The following ZNF385D variants were observed in gnomAD, a reference collection of about 807,000 sequenced individuals.
ZNF385D encodes zinc finger protein 659.
Under a neutral mutation model 35.8 loss-of-function variants are expected in ZNF385D, and 15 were observed. That is an observed-to-expected ratio of 0.42 (90% confidence interval 0.28 to 0.64). The LOEUF is 0.64. Ranked by LOEUF, ZNF385D falls within the 30% of genes least tolerant of loss-of-function variation. ZNF385D has a pLI of 0.23. For missense variants in ZNF385D, 474 were observed against 494.6 expected (o/e 0.96, Z 0.39); for synonymous variants, 212 against 186.8 (o/e 1.13, Z -1.10).
intron 3 of ZNF385D, among the ~76,000 whole-genome samples, chr3:22,059,182 G>C (rs1053020113): frequency 6.6e-6 from 1 of 152,168 alleles, no homozygotes; most frequent in Non-Finnish European, 1.5e-5. Flanking sequence ...GGAGGTGACT[G>C]CCCTCTGGTC....
At chr3:22,315,915 TA>T (rs34516431) in intron 2 of ZNF385D, among the ~76,000 whole-genome samples, 4 of 152,204 alleles carry the variant, frequency 2.6e-5, no homozygotes, top group Non-Finnish European at 5.9e-5. Flanking sequence ...TGAATTCTGC[TA>T]AAAAGTAGGC....
intron 3 of ZNF385D, among the ~76,000 whole-genome samples, chr3:21,935,975 G>A (rs1307692591): frequency 6.6e-6 from 1 of 152,042 alleles, no homozygotes; most frequent in African/African-American, 2.4e-5. Flanking sequence ...ACAGAATAGG[G>A]GAACAATGAG....
chr3:21,545,262 G>T (rs2062331824), intron 3 of ZNF385D, among the ~76,000 whole-genome samples: 1 of 152,094 alleles, frequency 6.6e-6, no homozygotes, highest in Non-Finnish European at 1.5e-5. Context: ...CTCAAATACA[G>T]ACTTGTGATA....
chr3:22,023,024 G>T (rs1188048009), intron 3 of ZNF385D, among the ~76,000 whole-genome samples: 1 of 152,148 alleles, frequency 6.6e-6, no homozygotes, highest in Non-Finnish European at 1.5e-5. Flanking sequence ...ACAGTTCTCT[G>T]TTCCTTAAAA....
chr3:21,881,820 G>C (rs1559719123), intron 3 of ZNF385D, among the ~76,000 whole-genome samples: 1 of 151,942 alleles, frequency 6.6e-6, no homozygotes, highest in Non-Finnish European at 1.5e-5. Flanking sequence ...ACATGAACAA[G>C]AATTTGGAAA....
intron 3 of ZNF385D, among the ~76,000 whole-genome samples, chr3:21,800,531 C>T (rs111991258): frequency 0.01 from 1,566 of 152,232 alleles, 21 homozygotes; most frequent in African/African-American, 0.034. Context: ...TCAGCCACTA[C>T]GGAGGCTAAG....
At chr3:21,710,786 C>T (rs2068071450) in intron 1 of ZNF385D, among the ~76,000 whole-genome samples, 1 of 152,146 alleles carries the variant, frequency 6.6e-6, no homozygotes, top group Admixed American at 6.6e-5. Context: ...TATGTAACCT[C>T]TCATTGAATA....
chr3:22,289,404 C>T (rs1208786311), intron 2 of ZNF385D, among the ~76,000 whole-genome samples: 2 of 152,140 alleles, frequency 1.3e-5, no homozygotes, highest in Non-Finnish European at 2.9e-5. Context: ...GGCTTTATCA[C>T]TGGCATAAGC....
intron 2 of ZNF385D, among the ~76,000 whole-genome samples, chr3:22,272,159 G>A (rs574924311): frequency 1.3e-5 from 2 of 152,160 alleles, no homozygotes; most frequent in East Asian, 3.9e-4. Context: ...TTCCCAAAAT[G>A]AAGGCAGCAA....
chr3:22,163,407 G>A (rs1299830014), intron 3 of ZNF385D, among the ~76,000 whole-genome samples: 1 of 152,076 alleles, frequency 6.6e-6, no homozygotes, highest in African/African-American at 2.4e-5. Flanking sequence ...ATATACATCA[G>A]ATAGCTTTTC....
chr3:21,772,359 G>GCC (rs1413845406), intron 3 of ZNF385D, among the ~76,000 whole-genome samples: 1 of 149,910 alleles, frequency 6.7e-6, no homozygotes, highest in Non-Finnish European at 1.5e-5. Flanking sequence ...AGAATATAGA[G>GCC]AGAACTCCTA....
intron 3 of ZNF385D, among the ~76,000 whole-genome samples, chr3:22,136,838 A>C (rs185034973): frequency 9.2e-5 from 14 of 152,280 alleles, no homozygotes; most frequent in Admixed American, 7.9e-4. Flanking sequence ...CAATCTGAAA[A>C]GGCATACACT....
intron 3 of ZNF385D, among the ~76,000 whole-genome samples, chr3:21,534,704 T>C (rs890539153): frequency 2.0e-5 from 3 of 152,130 alleles, no homozygotes; most frequent in African/African-American, 7.2e-5. Flanking sequence ...AAGAAATCAT[T>C]TAGAATGCAA....
At chr3:21,558,265 C>G (rs551738252) in intron 3 of ZNF385D, among the ~76,000 whole-genome samples, 3 of 152,158 alleles carry the variant, frequency 2.0e-5, no homozygotes, top group East Asian at 3.9e-4. Context: ...GATTTTAGAT[C>G]TTTCTTGCTT....
At chr3:22,282,059 G>A (rs1047235860) in intron 2 of ZNF385D, among the ~76,000 whole-genome samples, 2 of 151,818 alleles carry the variant, frequency 1.3e-5, no homozygotes, top group East Asian at 1.9e-4. Context: ...AGCCTTGGAC[G>A]ATCCCTTGTA....
At position 21,467,805 on chromosome 3, in the gene ZNF385D, A is replaced by C. The variant is rs147839176; in HGVS notation, c.440-30602T>G. On this transcript the variant is annotated intron_variant, in intron 4 of 7. Transcript: ENST00000281523. ...TCAAAATGCTGGTTCTGGTATTTGC[A>C]TGTGGTATGAATGTGAACAAGGTAA... Among the ~76,000 whole-genome samples, 46 of 152,290 alleles carry C rather than the reference A, an allele frequency of 3.0e-4. No homozygotes were observed. In the East Asian group the frequency reaches 6.8e-3, roughly 22 times the overall value.
At chr3:21,909,304 T>C (rs1160137089) in intron 3 of ZNF385D, among the ~76,000 whole-genome samples, 1 of 152,070 alleles carries the variant, frequency 6.6e-6, no homozygotes, top group East Asian at 1.9e-4. Flanking sequence ...CTTTTCTCTT[T>C]TTTATGCAGC....
At chr3:22,262,345 G>C (rs1700675188) in intron 2 of ZNF385D, among the ~76,000 whole-genome samples, 1 of 151,802 alleles carries the variant, frequency 6.6e-6, no homozygotes, top group South Asian at 2.1e-4. Flanking sequence ...TGGAAGAATG[G>C]GTAAGAAATA....
At chr3:21,784,458 TAAAG>T (rs1490202064) in intron 3 of ZNF385D, among the ~76,000 whole-genome samples, 1 of 152,098 alleles carries the variant, frequency 6.6e-6, no homozygotes, top group African/African-American at 2.4e-5. Context: ...ATGGAAGCGA[TAAAG>T]AAATTCAAAT....
Sources: allele counts gnomAD v4.1 joint callset (sites outside exome capture counted in the v4.1 genomes callset), GRCh38; gene constraint gnomAD v4.1.1; transcripts MANE v1.5; gene names NCBI Gene and HGNC (gene_info 2026-07-23, HGNC 2026-07-21).